The following SORBS2 variants were observed in gnomAD, a reference collection of about 807,000 sequenced individuals.
SORBS2 encodes the protein sorbin and SH3 domain containing 2, also known as sorbin and SH3 domain-containing protein 2.
A neutral mutation model predicts 97.7 loss-of-function variants in SORBS2; 46 were observed. The ratio of observed to expected loss-of-function variants is 0.47; its 90% CI spans 0.37 to 0.60. The LOEUF (loss-of-function observed/expected upper bound fraction) is 0.60, where lower values mean the gene tolerates loss of function less well. SORBS2 is among the 20% of genes least tolerant of loss of function. The pLI, the probability that SORBS2 is intolerant of heterozygous loss-of-function variation, is 0.00. For missense variants in SORBS2, 1,316 were observed against 1,282.3 expected (o/e 1.03, Z -0.40); for synonymous variants, 476 against 473.4 (o/e 1.01, Z -0.07).
intron 1 of SORBS2, among the ~76,000 whole-genome samples, chr4:185,788,014 C>T (rs1323815015): frequency 6.6e-6 from 1 of 152,170 alleles, no homozygotes; most frequent in Non-Finnish European, 1.5e-5. Flanking sequence ...CATCACATGG[C>T]GCAGGCAGCA....
intron 5 of SORBS2, 55 bp from the exon 18 acceptor site, chr4:185,627,074 A>G: frequency 2.6e-6 from 4 of 1,523,222 alleles, no homozygotes; most frequent in Non-Finnish European, 3.6e-6. Context: ...TCGGGTGTGC[A>G]CCAGAAAAAC....
Position 185,904,686 on chromosome 4 carries a change from T to A in SORBS2, c.-338+51510A>T, listed in dbSNP as rs527508819. The stretch of plus-strand genomic sequence containing the variant: ...ACATCTGATTTTGGTATTGTGGTAT[T>A]TGATATTTCAAGAGACTAAAATAAA... On this transcript the variant is annotated intron_variant, in intron 1 of 20. Coordinates refer to the SORBS2 transcript ENST00000284776. Among the ~76,000 whole-genome samples, 10 of 152,306 alleles carry A rather than the reference T, an allele frequency of 6.6e-5. No homozygotes were observed. In the South Asian group the frequency reaches 2.1e-3, roughly 32 times the overall value.
chr4:185,753,236 C>CA (rs980864336), intron 2 of SORBS2, among the ~76,000 whole-genome samples: 1 of 151,950 alleles, frequency 6.6e-6, no homozygotes, highest in Non-Finnish European at 1.5e-5. Flanking sequence ...CCCATAAACA[C>CA]AAAAAATAAA....
chr4:185,746,656 C>T (rs749188129), intron 2 of SORBS2, among the ~76,000 whole-genome samples: 10 of 152,238 alleles, frequency 6.6e-5, no homozygotes, highest in East Asian at 1.9e-4. Context: ...ATGGAGTTAG[C>T]AGTCCCAGAC....
At chr4:185,877,941 CCA>C (rs151079251) in intron 1 of SORBS2, among the ~76,000 whole-genome samples, 59,889 of 148,258 alleles carry the variant, frequency 0.4, 12,445 homozygotes, top group East Asian at 0.56. Context: ...AACTCTTTAC[CCA>C]AAAAAACAAA....
chr4:185,924,885 T>C (rs1422492684), intron 1 of SORBS2, among the ~76,000 whole-genome samples: 1 of 152,144 alleles, frequency 6.6e-6, no homozygotes, highest in Non-Finnish European at 1.5e-5. Context: ...AACCACTCCA[T>C]GTGTGTCCGT....
At chr4:185,616,905 C>A (rs987628048) in intron 9 of SORBS2, among the ~76,000 whole-genome samples, 1 of 152,152 alleles carries the variant, frequency 6.6e-6, no homozygotes, top group Non-Finnish European at 1.5e-5. Flanking sequence ...CCCACCACCA[C>A]CCCTGGCTAA....
At chr4:185,682,870 C>T (rs1409380780) in intron 2 of SORBS2, among the ~76,000 whole-genome samples, 1 of 151,834 alleles carries the variant, frequency 6.6e-6, no homozygotes, top group African/African-American at 2.4e-5. Flanking sequence ...AAAAATTAGC[C>T]AGGCATGGTG....
chr4:185,855,310 G>A (rs1566355), intron 1 of SORBS2, among the ~76,000 whole-genome samples: 12,978 of 152,234 alleles, frequency 0.085, 661 homozygotes, highest in Non-Finnish European at 0.11. Flanking sequence ...GGTGTGAGAC[G>A]TAGATAAAGC....
chr4:185,821,469 G>A (rs1286774408), intron 1 of SORBS2, among the ~76,000 whole-genome samples: 1 of 152,144 alleles, frequency 6.6e-6, no homozygotes, highest in African/African-American at 2.4e-5. Context: ...TGTCTCCTAG[G>A]CTGCAGTGCA....
In SORBS2 at chr4:185,589,662, GGAA is replaced by G; in HGVS notation, c.2953+14_2953+16del. On this transcript the variant is annotated intron_variant, in intron 14 of 14. Coordinates refer to ENST00000418609, the Ensembl canonical transcript of SORBS2. The stretch of plus-strand genomic sequence containing the variant: ...TTACAAAATAGCCGAAGGTGCCTGA[GGAA>G]GAAGCGCACATACCCACAAACCAGC... 27 of 1,484,072 alleles carry G rather than the reference GGAA, an allele frequency of 1.8e-5. No individual in the cohort carries two copies. The highest frequency in any genetic ancestry group is 2.5e-5 in the Non-Finnish European group (27 of 1,062,208). 91.9% of individuals were successfully genotyped at this position (1,484,072 alleles called of 1,614,324 possible). A position where few individuals can be genotyped will look rare whatever the true frequency, so the allele number is the denominator to read the frequency against.
chr4:185,743,485 T>C lies in SORBS2; in HGVS notation c.-198+31742A>G, dbSNP rs555680821. 6.6e-5 allele frequency among the ~76,000 whole-genome samples: 10 copies of C among 152,312 alleles called. No individual in the cohort carries two copies. In the South Asian group the frequency reaches 1.7e-3, roughly 25 times the overall value. On this transcript the variant is annotated intron_variant, in intron 2 of 20. Coordinates refer to the SORBS2 transcript ENST00000284776. ...TTTCGTGATGGCTTCTTCCACATTGTCCTTCATTGCTGAGGATGAAAACAT... is the reference window on the plus strand; with the variant it reads ...TTTCGTGATGGCTTCTTCCACATTGCCCTTCATTGCTGAGGATGAAAACAT...
intron 2 of SORBS2, among the ~76,000 whole-genome samples, chr4:185,694,702 C>CTTTAT: frequency 1.2e-5 from 1 of 84,608 alleles, no homozygotes; most frequent in South Asian, 4.9e-4. Flanking sequence ...TTTTCCTTTT[C>CTTTAT]TTTCTTTTCT....
intron 1 of SORBS2, among the ~76,000 whole-genome samples, chr4:185,896,731 T>C (rs906435800): frequency 6.6e-5 from 10 of 152,204 alleles, no homozygotes; most frequent in African/African-American, 2.4e-4. Flanking sequence ...CTGTGGCCCC[T>C]GGTGTGTGCC....
intron 1 of SORBS2, among the ~76,000 whole-genome samples, chr4:185,904,903 G>A (rs1484782893): frequency 6.6e-6 from 1 of 152,052 alleles, no homozygotes; most frequent in Non-Finnish European, 1.5e-5. Flanking sequence ...TCGGGGGTTC[G>A]AGACCAGCCT....
At chr4:185,800,366 C>T (rs114217826) in intron 1 of SORBS2, among the ~76,000 whole-genome samples, 2,175 of 152,260 alleles carry the variant, frequency 0.014, 22 homozygotes, top group Admixed American at 0.021. Flanking sequence ...TCAGACCCAG[C>T]GTATGAAGGA....
intron 1 of SORBS2, among the ~76,000 whole-genome samples, chr4:185,810,168 A>G (rs777792079): frequency 9.9e-5 from 15 of 152,262 alleles, no homozygotes; most frequent in Non-Finnish European, 1.9e-4. Flanking sequence ...GCGTACACTT[A>G]TCACCAAACG....
intron 1 of SORBS2, among the ~76,000 whole-genome samples, chr4:185,784,826 C>T (rs753546725): frequency 1.6e-4 from 24 of 152,170 alleles, no homozygotes; most frequent in Admixed American, 3.3e-4. Flanking sequence ...ATTAAGTCTC[C>T]GGCCCATTAT....
At chr4:185,664,086 C>T (rs949470856) in intron 4 of SORBS2, among the ~76,000 whole-genome samples, 4 of 151,820 alleles carry the variant, frequency 2.6e-5, no homozygotes, top group African/African-American at 9.7e-5. Context: ...GATCTCCTGA[C>T]CTCGTGATCC....
Sources: gnomAD v4.1 joint callset for allele counts (sites outside exome capture counted in the v4.1 genomes callset) on GRCh38, gnomAD v4.1.1 for gene constraint, MANE v1.5 for transcripts, NCBI Gene and HGNC (gene_info 2026-07-23, HGNC 2026-07-21) for gene names.